Variants in TTN observed in about 807,000 individuals in gnomAD.
TTN encodes the protein connectin.
A neutral mutation model predicts 3,223.0 loss-of-function variants in TTN; 1,525 were observed. That is an observed-to-expected ratio of 0.47 (90% CI 0.45 to 0.49). The LOEUF is 0.49. TTN is among the 20% of genes least tolerant of loss of function. TTN has a pLI of 0.00. For synonymous variants in TTN, 14,094 were observed against 15,161.0 expected (o/e 0.93, Z 5.17); for missense variants, 40,786 against 43,424.0 (o/e 0.94, Z 5.40).
Position 178,579,859 on chromosome 2 carries a change from G to A in TTN, c.67349-11C>T, listed in dbSNP as rs1188599047. The A allele has an allele frequency of 1.2e-6, 2 of 1,612,368 alleles. No individual in the cohort carries two copies. Among genetic ancestry groups the A allele is most frequent in the East Asian group, 2.2e-5 (1 of 44,774 alleles). ...CTGGTCCAGGAGTTTCTAAAGCAAA[G>A]GAGAAATGATAAGTGTAAGCCCCAT... is the stretch of plus-strand genomic sequence containing the variant. On this transcript the variant is annotated splice_polypyrimidine_tract_variant and intron_variant, in intron 318 of 362. Transcript: ENST00000589042.
rs779819518 is a variant in TTN at position 178,777,335 on chromosome 2, T to C, written c.4646-18A>G. ...TTCCACAGCTGAAAGAGAAAGGTCA[T>C]GATTTAGAGGGAGTAAGGCTGAAAT... On this transcript the variant is annotated intron_variant, in intron 26 of 362. Coordinates refer to ENST00000589042, the MANE Select transcript of TTN (RefSeq NM_001267550.2). 6 of 1,613,654 alleles carry C rather than the reference T, an allele frequency of 3.7e-6. No individual in the cohort carries two copies. Among genetic ancestry groups the C allele is most frequent in the Non-Finnish European group, 5.1e-6 (6 of 1,179,908 alleles).
chr2:178,565,050 C>G lies in TTN; in HGVS notation c.81082G>C (p.Ala27028Pro), dbSNP rs1356707489. 2.5e-6 allele frequency: 4 copies of G among 1,613,642 alleles called. No individual in the cohort carries two copies. Among genetic ancestry groups the G allele is most frequent in the Non-Finnish European group, 3.4e-6 (4 of 1,179,674 alleles). Residue 27028 changes from alanine (A) to proline (P), a missense_variant, in exon 326 of 363, where the codon GCA becomes CCA. Coordinates refer to ENST00000589042, the MANE Select transcript of TTN (RefSeq NM_001267550.2). ...TTGGTTATTTTAATTGTTGTTCTTGCAACTGTTGCTGATACCATGTGCCAA... is the reference window on the plus strand; with the variant it reads ...TTGGTTATTTTAATTGTTGTTCTTGGAACTGTTGCTGATACCATGTGCCAA... ...TTWHMVSATV[A>P]RTTIKITKLK...
At chr2:178,738,466 T>C (rs1023165844) in intron 48 of TTN, 106 bp from the exon 49 acceptor site, 8 of 1,346,180 alleles carry the variant, frequency 5.9e-6, no homozygotes, top group African/African-American at 4.4e-5. Flanking sequence ...ACAGTTGAAA[T>C]TGGTGAGATG....
In TTN at chr2:178,563,273, C is replaced by A. The variant is rs762472521; in HGVS notation, c.82859G>T (p.Cys27620Phe). Residue 27620 changes from cysteine (C) to phenylalanine (F), a missense_variant, in exon 326 of 363, where the codon TGC (cysteine) becomes TTC (phenylalanine). Cys to Phe is a radical substitution (Grantham distance 205). Transcript: ENST00000589042. The surrounding 1 kb of genome is among the most constrained non-coding windows in gnomAD (Gnocchi z 4.5). ...TCCTTGTAATCCTGTTGGTGGAGTG[C>A]AGGTTGTCCATTCATCCGCAGCAGC... ...KEAAADEWTT[C>F]TPPTGLQGKQ... 5 of 1,613,532 alleles carry A rather than the reference C, an allele frequency of 3.1e-6. No homozygotes were observed. Among genetic ancestry groups the A allele is most frequent in the African/African-American group, 1.3e-5 (1 of 74,892 alleles).
rs2154178693 is a variant in TTN, at chr2:178,583,081, C to T, written c.65722G>A (p.Glu21908Lys). ...KKDGTLLKPA[E>K]GIKMAMQRNL... ...CGCTGCATGGCCATCTTTATGCCTT[C>T]TGCTGGTTTTAGCAGTGTGCCATCT... Residue 21908 changes from glutamate to lysine, a missense_variant, in exon 313 of 363, where the codon GAA becomes AAA. Coordinates refer to ENST00000589042, the MANE Select transcript of TTN (RefSeq NM_001267550.2). 1.9e-6 allele frequency: 3 copies of T among 1,611,500 alleles called. No homozygotes were observed. The East Asian group carries it at 6.7e-5, about 36-fold the overall frequency.
rs1355171726 is a variant in TTN, at chr2:178,678,838, G to T, written c.33743-8C>A. On this transcript the variant is annotated splice_region_variant and splice_polypyrimidine_tract_variant and intron_variant, in intron 142 of 362. Coordinates refer to ENST00000589042, the MANE Select transcript of TTN (RefSeq NM_001267550.2). ...TCTTGGGCACTTCAGGAACTTCAAA[G>T]ATATCAAATAGAGTTAGTGTCACAT... 2 of 1,584,964 alleles carry T rather than the reference G, an allele frequency of 1.3e-6. No individual in the cohort carries two copies. The highest frequency in any genetic ancestry group is 1.7e-6 in the Non-Finnish European group (2 of 1,170,440).
chr2:178,744,476 G>A, intron 47 of TTN: 1 of 853,884 alleles, frequency 1.2e-6, no homozygotes. Flanking sequence ...ATATTAAGGA[G>A]TATGTTAATT....
At position 178,551,739 on chromosome 2, in the gene TTN, A is replaced by C; in HGVS notation, c.91161T>G (p.Thr30387=). Residue 30387 remains threonine (T), a synonymous_variant, in exon 335 of 363, where the codon ACT becomes ACG. Coordinates refer to ENST00000589042, the MANE Select transcript of TTN (RefSeq NM_001267550.2). ...SPISGREYRA[T]GLVEGLDYQF... The stretch of plus-strand genomic sequence containing the variant: ...GGTAATCCAGACCTTCTACCAGTCC[A>C]GTGGCTCTATATTCTCTTCCAGAGA... 6.2e-7 allele frequency: 1 copy of C among 1,613,858 alleles called. No individual in the cohort carries two copies. Among genetic ancestry groups the C allele is most frequent in the South Asian group, 1.1e-5 (1 of 91,078 alleles).
At position 178,600,972 on chromosome 2, in the gene TTN, A is replaced by G. The variant is rs755839294; in HGVS notation, c.55932T>C (p.Phe18644=). The G allele has an allele frequency of 9.1e-5, 147 of 1,612,944 alleles. No homozygotes were observed. Among genetic ancestry groups the G allele is most frequent in the Non-Finnish European group, 1.1e-4 (131 of 1,179,340 alleles). The change falls in exon 288 of 363, where the codon TTT becomes TTC. Residue 18644 remains phenylalanine (F), a synonymous_variant. Transcript: ENST00000589042. ...CACCCTCTACTAGGTCTTCAACAGT[A>G]AATTGCAGTTCTTCCACATCACGCT... ...CNKRDVEELQ[F]TVEDLVEGGE... is the part of the protein sequence containing the mutation.
rs564640637 is a variant in TTN at position 178,597,881 on chromosome 2, A to G, written c.57262+27T>C. On this transcript the variant is annotated intron_variant, in intron 293 of 362. Transcript: ENST00000589042. Reference sequence around the variant, plus strand: ...CCTTCAATCTGAAACATAAATACTGATGGCATAAGGAAGGATTGATAATTA... The same window carrying G: ...CCTTCAATCTGAAACATAAATACTGGTGGCATAAGGAAGGATTGATAATTA... The G allele has an allele frequency of 3.8e-5, 61 of 1,612,852 alleles. No individual in the cohort carries two copies. In the South Asian group the frequency reaches 6.4e-4, roughly 17 times the overall value.
intron 47 of TTN, chr2:178,750,935 T>C (rs763746537): frequency 6.2e-7 from 1 of 1,613,024 alleles, no homozygotes; most frequent in Non-Finnish European, 8.5e-7. Flanking sequence ...ACCATATAAA[T>C]GGTCTTTTGG....
intron 217 of TTN, 38 bp downstream of exon 217, chr2:178,645,881 GA>G: frequency 1.5e-6 from 2 of 1,323,368 alleles, no homozygotes; most frequent in Non-Finnish European, 2.1e-6. Flanking sequence ...ATAGAAGTTT[GA>G]AGCAGGCTAA....
In TTN at chr2:178,605,267, A is replaced by G; in HGVS notation, c.53910T>C (p.Ser17970=). 3 of 1,595,390 alleles carry G rather than the reference A, an allele frequency of 1.9e-6. No individual in the cohort carries two copies. Among genetic ancestry groups the G allele is most frequent in the South Asian group, 1.1e-5 (1 of 88,220 alleles). ...EVPPTIKLRL[S]VRGDTIKVKA... ...TAACTTTGATAGTGTCTCCTCGAAC[A>G]CTCAGACGCAACTTAATAGTTGGAG... is the stretch of plus-strand genomic sequence containing the variant. Residue 17970 remains serine (S), a synonymous_variant, in exon 280 of 363, where the codon AGT becomes AGC. Transcript: ENST00000589042.
Position 178,559,980 on chromosome 2 carries a change from CTGT to C in TTN, c.86149_86151del (p.Thr28717del), listed in dbSNP as rs777234868. ...TTTACTCTGAAAACATATTCAGCTC[CTGT>C]TGTTAGTCCGCTTATTGTATATTCT... On this transcript the variant is annotated inframe_deletion, in exon 326 of 363. Coordinates refer to ENST00000589042, the MANE Select transcript of TTN (RefSeq NM_001267550.2). 3.1e-6 allele frequency: 5 copies of C among 1,613,778 alleles called. No homozygotes were observed. The East Asian group carries it at 8.9e-5, about 29-fold the overall frequency.
In TTN at chr2:178,612,320, G is replaced by A. The variant is rs1185567072; in HGVS notation, c.50205C>T (p.Asp16735=). ...GCACAGAGTCCTCAATTTCGGTGTA[G>A]TCGCTTTGTCCTATAGCATTTTCTG... The part of the protein sequence containing the change: ...VAAENAIGQS[D]YTEIEDSVLA... The change falls in exon 266 of 363, where the codon GAC becomes GAT. Residue 16735 remains aspartate, a synonymous_variant. Coordinates refer to ENST00000589042, the MANE Select transcript of TTN (RefSeq NM_001267550.2). 2 of 1,612,474 alleles carry A rather than the reference G, an allele frequency of 1.2e-6. No individual in the cohort carries two copies. The highest frequency in any genetic ancestry group is 3.3e-5 in the Admixed American group (2 of 59,916).
At position 178,636,218 on chromosome 2, in the gene TTN, T is replaced by C; in HGVS notation, c.41353A>G (p.Thr13785Ala). The C allele has an allele frequency of 1.9e-6, 3 of 1,587,494 alleles. No individual in the cohort carries two copies. The highest frequency in any genetic ancestry group is 2.6e-6 in the Non-Finnish European group (3 of 1,165,008). Residue 13785 changes from threonine (T) to alanine (A), a missense_variant, in exon 226 of 363, where the codon ACA becomes GCA. By Grantham distance (58) the Thr-to-Ala change is moderately conservative (BLOSUM62 0). Transcript: ENST00000589042. The surrounding 1 kb of genome is among the most constrained non-coding windows in gnomAD (Gnocchi z 4.3). ...ACCACTGTGACTTCCTCTTCCAGTG[T>C]TTTTACAAAACGCACAGGAAGTTCT... ...VEELPVRFVKTLEEEVTVVKG... is the reference protein window; with the variant it reads ...VEELPVRFVKALEEEVTVVKG...
rs1698158751 is a variant in TTN, at chr2:178,548,646, A to G, written c.92980T>C (p.Tyr30994His). 1 of 1,613,810 alleles carries G rather than the reference A, an allele frequency of 6.2e-7. No homozygotes were observed. The highest frequency in any genetic ancestry group is 8.5e-7 in the Non-Finnish European group (1 of 1,179,796). ...CTGTTGTTTTCCACAGTAAGGGTAT[A>G]TTTCCCTGCATCATTTCTGTTGCAG... ...ENCNRNDAGK[Y>H]TLTVENNSGS... Residue 30994 changes from tyrosine (Y) to histidine (H), a missense_variant, in exon 339 of 363, where the codon TAT becomes CAT. Tyr to His is a moderately conservative substitution (Grantham distance 83). Transcript: ENST00000589042. This position sits in a 1 kb window ranked among gnomAD's most constrained non-coding sequence, Gnocchi z 4.3.
intron 221 of TTN, 134 bp downstream of exon 221, chr2:178,640,407 G>A: frequency 2.4e-6 from 2 of 826,480 alleles, no homozygotes; most frequent in Non-Finnish European, 3.7e-6. Context: ...AGAGTGAGAT[G>A]GTAAAGAAAA....
Position 178,562,362 on chromosome 2 carries a change from A to G in TTN, c.83770T>C (p.Ser27924Pro). 1 of 1,610,910 alleles carries G rather than the reference A, an allele frequency of 6.2e-7. No individual in the cohort carries two copies. The highest frequency in any genetic ancestry group is 8.5e-7 in the Non-Finnish European group (1 of 1,178,716). ...TQVKTLEATISGLTAGEEYVF... is the reference protein window; with the variant it reads ...TQVKTLEATIPGLTAGEEYVF... Reference sequence around the variant, plus strand: ...TACTCTTCTCCTGCAGTTAAGCCAGATATAGTTGCTTCTAGAGTCTTAACT... The same window carrying G: ...TACTCTTCTCCTGCAGTTAAGCCAGGTATAGTTGCTTCTAGAGTCTTAACT... Residue 27924 changes from serine (S) to proline (P), a missense_variant, in exon 326 of 363, where the codon TCT becomes CCT. By Grantham distance (74) the Ser-to-Pro change is moderately conservative. Transcript: ENST00000589042.
Sources: allele counts gnomAD v4.1 joint callset, GRCh38; gene constraint gnomAD v4.1.1; non-coding constraint Gnocchi (gnomAD v3.1); transcripts MANE v1.5; gene names NCBI Gene and HGNC (gene_info 2026-07-23, HGNC 2026-07-21).